The following SLC25A43 variants were observed in gnomAD, a reference collection of about 807,000 sequenced individuals.
SLC25A43 encodes solute carrier family 25 member 43.
In SLC25A43, 10 loss-of-function variants were observed where a neutral mutation model predicts 22.8. That is an observed-to-expected ratio of 0.44 (90% CI 0.27 to 0.74). SLC25A43 has a LOEUF of 0.74. Among genes scored for constraint, SLC25A43 ranks in the 30% least tolerant of loss-of-function variants. The pLI is 0.17. For missense variants in SLC25A43, 233 were observed against 279.1 expected, an observed-to-expected ratio of 0.83 and a Z score of 1.18; for synonymous variants, 106 against 121.6, an observed-to-expected ratio of 0.87 and a Z score of 0.84.
chrX:119,435,130 C>T, intron 3 of SLC25A43, among the ~76,000 whole-genome samples: 1 of 111,231 alleles, frequency 9.0e-6, no homozygotes, highest in Non-Finnish European at 1.9e-5. Flanking sequence ...TGAGCCACTG[C>T]ACCCAACTTA....
At chrX:119,411,226 C>T (rs771545813) in intron 3 of SLC25A43, among the ~76,000 whole-genome samples, 1 of 111,507 alleles carries the variant, frequency 9.0e-6, no homozygotes, top group South Asian at 3.8e-4. Context: ...TCAGGCCGGG[C>T]ACGGTGGCTC....
intron 3 of SLC25A43, among the ~76,000 whole-genome samples, chrX:119,411,229 G>A (rs1416339642): frequency 1.8e-5 from 2 of 111,681 alleles, no homozygotes; most frequent in African/African-American, 3.3e-5. Flanking sequence ...GGCCGGGCAC[G>A]GTGGCTCATG....
intron 3 of SLC25A43, among the ~76,000 whole-genome samples, chrX:119,429,488 G>A (rs1446615434): frequency 8.9e-6 from 1 of 111,918 alleles, no homozygotes; most frequent in East Asian, 2.8e-4. Flanking sequence ...TTAAGTCTTT[G>A]TTCTTTATTT....
intron 3 of SLC25A43, among the ~76,000 whole-genome samples, chrX:119,419,861 T>TA (rs1397934374): frequency 1.8e-5 from 2 of 111,982 alleles, no homozygotes; most frequent in Non-Finnish European, 3.8e-5. Context: ...TCTTCATTCC[T>TA]AACATTCCCA....
In SLC25A43 at chrX:119,433,828, T is replaced by C. The variant is rs1053049746; in HGVS notation, c.691-18181T>C. Among the ~76,000 whole-genome samples, 7 of 111,860 alleles carry C rather than the reference T, an allele frequency of 6.3e-5. No individual in the cohort carries two copies. The Admixed American group carries it at 6.7e-4, about 11-fold the overall frequency. On this transcript the variant is annotated intron_variant, in intron 3 of 4. Transcript: ENST00000217909. The stretch of plus-strand genomic sequence containing the variant: ...AAAGTATCCAAAGCATAGAATATAA[T>C]GCAGGTAGCAGCAAGAGATCAGGCT...
chrX:119,431,056 C>T (rs1375012644), intron 3 of SLC25A43, among the ~76,000 whole-genome samples: 1 of 111,939 alleles, frequency 8.9e-6, no homozygotes, highest in Non-Finnish European at 1.9e-5. Context: ...GGCTCTGAGT[C>T]AAACAGACCC....
intron 3 of SLC25A43, among the ~76,000 whole-genome samples, chrX:119,432,228 A>G (rs2052559693): frequency 8.9e-6 from 1 of 112,024 alleles, no homozygotes; most frequent in South Asian, 3.7e-4. Context: ...ACTGAACTCA[A>G]TATGTGATGA....
chrX:119,452,284 ACTGT>A (rs941909798), intron 4 of SLC25A43, 141 bp downstream of exon 4: 2 of 677,703 alleles, frequency 3.0e-6, no homozygotes, highest in Non-Finnish European at 4.3e-6. Context: ...ATGAATGCAC[ACTGT>A]CTGTCAGCCC....
chrX:119,433,515 C>A (rs759728407), intron 3 of SLC25A43, among the ~76,000 whole-genome samples: 42 of 112,019 alleles, frequency 3.7e-4, no homozygotes, highest in Non-Finnish European at 6.0e-4. Context: ...GGAAATGATA[C>A]TAGGAAAACC....
intron 1 of SLC25A43, among the ~76,000 whole-genome samples, chrX:119,401,278 C>T (rs3848869): frequency 0.46 from 50,701 of 109,763 alleles, 9,063 homozygotes; most frequent in African/African-American, 0.62. Context: ...CTAATTTAGT[C>T]AGGCTACATT....
chrX:119,435,019 A>C lies in SLC25A43; in HGVS notation c.691-16990A>C, dbSNP rs764900416. ...ACGCCTGGCTAATTTTTGTATTTTT[A>C]GTAGAAATGGGGTTTCACCATATTG... On this transcript the variant is annotated intron_variant, in intron 3 of 4. Coordinates refer to ENST00000217909, the MANE Select transcript of SLC25A43 (RefSeq NM_145305.3). 5.4e-5 allele frequency among the ~76,000 whole-genome samples: 6 copies of C among 110,586 alleles called. No homozygotes were observed. The South Asian group carries it at 2.3e-3, about 43-fold the overall frequency.
At chrX:119,411,783 G>C (rs2147260933) in intron 3 of SLC25A43, among the ~76,000 whole-genome samples, 1 of 111,339 alleles carries the variant, frequency 9.0e-6, no homozygotes, top group East Asian at 2.8e-4. Flanking sequence ...TTAATACCCA[G>C]GTGATGGGTT....
rs2052716555 is a variant in SLC25A43, at chrX:119,452,850, T to A, written c.826-15T>A. On this transcript the variant is annotated splice_polypyrimidine_tract_variant and intron_variant, in intron 4 of 4. Transcript: ENST00000217909. ...TTTAAGAACTTAACTTGATTTTCATTTTTGGTTTTAACAGATAGTTCCATA... is the reference window on the plus strand; with the variant it reads ...TTTAAGAACTTAACTTGATTTTCATATTTGGTTTTAACAGATAGTTCCATA... The A allele has an allele frequency of 8.4e-7, 1 of 1,183,778 alleles. No homozygotes were observed. The highest frequency in any genetic ancestry group is 1.1e-6 in the Non-Finnish European group (1 of 875,923).
intron 3 of SLC25A43, among the ~76,000 whole-genome samples, chrX:119,424,951 A>G (rs1053519074): frequency 4.5e-5 from 5 of 111,854 alleles, no homozygotes; most frequent in Non-Finnish European, 7.5e-5. Context: ...GCCTCCTAAA[A>G]CCATCACCCT....
In SLC25A43 at chrX:119,410,362, G is replaced by A; in HGVS notation, c.690G>A (p.Gln230=). 1 of 1,211,201 alleles carries A rather than the reference G, an allele frequency of 8.3e-7. No individual in the cohort carries two copies. Among genetic ancestry groups the A allele is most frequent in the Non-Finnish European group, 1.1e-6 (1 of 895,082 alleles). Residue 230 remains glutamine, a splice_region_variant and synonymous_variant, in exon 3 of 5, where the codon CAG becomes CAA. Transcript: ENST00000217909. ...TTGAGACCGTGAAGAGAAAGATGCA[G>A]GTGAGGAGTTATCAGAGTGGGGTAG... ...FPFETVKRKM[Q]AQSPYLPHSG... is the part of the protein sequence containing the mutation.
intron 3 of SLC25A43, among the ~76,000 whole-genome samples, chrX:119,448,053 G>T (rs6655498): frequency 9.0e-6 from 1 of 110,897 alleles, no homozygotes; most frequent in African/African-American, 3.3e-5. Flanking sequence ...CTCCCATAGC[G>T]TCCTCCATCT....
chrX:119,452,226 A>C (rs1298862589), intron 4 of SLC25A43, 83 bp downstream of exon 4: 14 of 1,081,353 alleles, frequency 1.3e-5, no homozygotes, highest in African/African-American at 1.9e-5. Flanking sequence ...CCCCTACTAC[A>C]GTTTGCTTGG....
In SLC25A43 at chrX:119,399,548, G is replaced by A; in HGVS notation, c.145G>A (p.Ala49Thr). Reference protein sequence around the residue: ...LAQVGVVRGHARGPWATGHRV... With the variant: ...LAQVGVVRGHTRGPWATGHRV... ...CCAGGTTGGCGTCGTGCGAGGCCAC[G>A]CCCGGGGACCGTGGGCCACAGGGCA... Residue 49 changes from alanine to threonine, a missense_variant, in exon 1 of 5, where the codon GCC (alanine) becomes ACC (threonine). Coordinates refer to ENST00000217909, the MANE Select transcript of SLC25A43 (RefSeq NM_145305.3). 1 of 1,064,896 alleles carries A rather than the reference G, an allele frequency of 9.4e-7. No individual in the cohort carries two copies. Among genetic ancestry groups the A allele is most frequent in the Non-Finnish European group, 1.2e-6 (1 of 826,007 alleles). The allele number at this position is 1,064,896 out of a possible 1,213,427, so 87.8% of individuals were successfully genotyped here. A position where few individuals can be genotyped will look rare whatever the true frequency, so the allele number is the denominator to read the frequency against.
rs2052727373 is a variant in SLC25A43, at chrX:119,454,398, C to G, written c.*1333C>G. On this transcript the variant is annotated 3_prime_UTR_variant, in exon 5 of 5. Coordinates refer to ENST00000217909, the MANE Select transcript of SLC25A43 (RefSeq NM_145305.3). ...ACATAAAATTGTTAATTTATACACA[C>G]ACATACACTCATACATAGAGAGAGA... The G allele has an allele frequency of 8.9e-6, 1 of 112,147 alleles. No individual in the cohort carries two copies. Among genetic ancestry groups the G allele is most frequent in the Non-Finnish European group, 1.9e-5 (1 of 53,226 alleles). 9.2% of individuals were successfully genotyped at this position (112,147 alleles called of 1,213,427 possible).
Sources: gnomAD v4.1 joint callset for allele counts (sites outside exome capture counted in the v4.1 genomes callset) on GRCh38, gnomAD v4.1.1 for gene constraint, MANE v1.5 for transcripts, NCBI Gene and HGNC (gene_info 2026-07-23, HGNC 2026-07-21) for gene names.